ARAP1: variants seen among roughly 807,000 people sequenced by gnomAD.
ARAP1 encodes the protein ArfGAP with RhoGAP domain, ankyrin repeat and PH domain 1.
Under a neutral mutation model 172.2 loss-of-function variants are expected in ARAP1, and 76 were observed. The observed-to-expected ratio is 0.44, with a 90% CI of 0.37 to 0.53. The LOEUF is 0.53. ARAP1 is among the 20% of genes least tolerant of loss of function. ARAP1 has a pLI of 0.00. For synonymous variants in ARAP1, 804 were observed against 803.3 expected (o/e 1.00, Z -0.01); for missense variants, 1,686 against 1,977.5 (o/e 0.85, Z 2.80).
chr11:72,685,327 C>CGTA lies in ARAP1; in HGVS notation c.*336_*337insTAC. ...CTCCCTTCCGGCAGGGCCCCAGGGC[C>CGTA]TCACGCCTCTGAAAGGGTGGTGGTC... On this transcript the variant is annotated 3_prime_UTR_variant, in exon 35 of 35. Coordinates refer to ENST00000393609, the MANE Select transcript of ARAP1 (RefSeq NM_001040118.3). 2.6e-6 allele frequency: 1 copy of CGTA among 384,214 alleles called. No homozygotes were observed. The highest frequency in any genetic ancestry group is 4.8e-6 in the Non-Finnish European group (1 of 208,272). The allele number at this position is 384,214 out of a possible 1,614,324, so 23.8% of individuals were successfully genotyped here.
At position 72,703,413 on chromosome 11, in the gene ARAP1, G is replaced by C. The variant is rs891343507; in HGVS notation, c.1993-334C>G. On this transcript the variant is annotated intron_variant, in intron 14 of 34. Coordinates refer to ENST00000393609, the MANE Select transcript of ARAP1 (RefSeq NM_001040118.3). Reference sequence around the variant, plus strand: ...CTTCTGCCTTGTGGAGGAGCCGGGGGGGGGGTGTGCTTTGTAGCTAATTCC... The same window carrying C: ...CTTCTGCCTTGTGGAGGAGCCGGGGCGGGGGTGTGCTTTGTAGCTAATTCC... 19 of 173,112 alleles carry C rather than the reference G, an allele frequency of 1.1e-4. 2 individuals are homozygous for C. Among genetic ancestry groups the C allele is most frequent in the East Asian group, 2.9e-4 (2 of 6,940 alleles). The allele number at this position is 173,112 out of a possible 1,614,324, so 10.7% of individuals were successfully genotyped here.
In ARAP1 at chr11:72,726,692, G is replaced by A; in HGVS notation, c.437C>T (p.Ala146Val). ...APDPVLPPLPAKRHLAELSVP... is the reference protein window; with the variant it reads ...APDPVLPPLPVKRHLAELSVP... ...GCTCAGCTCTGCCAAATGCCGCTTA[G>A]CAGGCAGCGGGGGCAGCACAGGGTC... The change falls in exon 3 of 35, where the codon GCT becomes GTT. Residue 146 changes from alanine to valine, a missense_variant. Around this residue, in one of 5 missense-constraint regions of ARAP1, gnomAD observed 190 missense variants for 228.6 expected, o/e 0.83. Coordinates refer to ENST00000393609, the MANE Select transcript of ARAP1 (RefSeq NM_001040118.3). The surrounding 1 kb of genome is among the most constrained non-coding windows in gnomAD (Gnocchi z 6.5). 1 of 1,547,998 alleles carries A rather than the reference G, an allele frequency of 6.5e-7. No homozygotes were observed. Among genetic ancestry groups the A allele is most frequent in the Non-Finnish European group, 8.7e-7 (1 of 1,145,130 alleles).
Position 72,698,009 on chromosome 11 carries a change from T to C in ARAP1, c.2639A>G (p.Gln880Arg). ...GCCACTGAGAGAGAACCAGCCCTCC[T>C]GGGCCCGCTGTAGGCTCAGGCCAGC... ...YKAGLSLQRA[Q>R]EGWFSLSGSE... Residue 880 changes from glutamine (Q) to arginine (R), a missense_variant, in exon 19 of 35, where the codon CAG (glutamine) becomes CGG (arginine). Around this residue, in one of 5 missense-constraint regions of ARAP1, gnomAD observed 688 missense variants for 856.9 expected, o/e 0.80. Coordinates refer to ENST00000393609, the MANE Select transcript of ARAP1 (RefSeq NM_001040118.3). The C allele has an allele frequency of 6.2e-7, 1 of 1,611,310 alleles. No individual in the cohort carries two copies. Among genetic ancestry groups the C allele is most frequent in the Non-Finnish European group, 8.5e-7 (1 of 1,178,980 alleles).
chr11:72,704,549 T>G, intron 13 of ARAP1: 1 of 554,908 alleles, frequency 1.8e-6, no homozygotes, highest in Non-Finnish European at 3.1e-6. Flanking sequence ...TCAGGCTCAG[T>G]GACAGGACAG....
chr11:72,701,564 A>G (rs1243377565), intron 16 of ARAP1, 85 bp downstream of exon 16: 1 of 1,521,438 alleles, frequency 6.6e-7, no homozygotes, highest in South Asian at 1.3e-5. Context: ...GCCAGAGTCC[A>G]CCAGTCTGGC....
In ARAP1 at chr11:72,702,993, C is replaced by G. The variant is rs1313115007; in HGVS notation, c.2079G>C (p.Gly693=). 10 of 1,573,462 alleles carry G rather than the reference C, an allele frequency of 6.4e-6. No individual in the cohort carries two copies. In the African/African-American group the frequency reaches 6.8e-5, roughly 11 times the overall value. Residue 693 remains glycine (G), a synonymous_variant, in exon 15 of 35, where the codon GGG becomes GGC. Coordinates refer to ENST00000393609, the MANE Select transcript of ARAP1 (RefSeq NM_001040118.3). ...GCGAGINCFS[G]DPEAPTPLAL... ...CCAGGGGCGTGGGGGCCTCAGGGTC[C>G]CCCGAGAAGCAGTTGATCCCAGCCC...
chr11:72,711,429 C>T lies in ARAP1; in HGVS notation c.1092+1G>A. 1.2e-6 allele frequency: 2 copies of T among 1,612,494 alleles called. No individual in the cohort carries two copies. Among genetic ancestry groups the T allele is most frequent in the South Asian group, 1.1e-5 (1 of 91,058 alleles). On this transcript the variant is annotated splice_donor_variant, in intron 8 of 34. Transcript: ENST00000393609. LOFTEE classifies it high-confidence loss of function. ...CGCGTCAGGACTGATGCAGGCCTCA[C>T]CTTGTTACTGTCAAAGTATCGCAGG... is the stretch of plus-strand genomic sequence containing the variant.
Position 72,714,191 on chromosome 11 carries a change from C to A in ARAP1, c.640G>T (p.Glu214Ter). The A allele has an allele frequency of 6.6e-7, 1 of 1,517,508 alleles. No homozygotes were observed. Among genetic ancestry groups the A allele is most frequent in the East Asian group, 2.5e-5 (1 of 39,248 alleles). 94.0% of individuals were successfully genotyped at this position (1,517,508 alleles called of 1,614,324 possible). Reference sequence around the variant, plus strand: ...AGGCGTACCGGCTTTGGAGGTATCTCCGGGGGGCAGGGAGGTGGAGAGGGA... The same window carrying A: ...AGGCGTACCGGCTTTGGAGGTATCTACGGGGGGCAGGGAGGTGGAGAGGGA... ...QPPSPPPCPP[E>*]IPPKPVRLFP... The change falls in exon 4 of 35, where the codon GAG becomes TAG. Residue 214 changes from glutamate to a stop codon, truncating the protein, a stop_gained. Transcript: ENST00000393609. LOFTEE classifies it high-confidence loss of function.
Position 72,709,939 on chromosome 11 carries a change from A to G in ARAP1, c.1454T>C (p.Met485Thr). The change falls in exon 11 of 35, where the codon ATG becomes ACG. Residue 485 changes from methionine to threonine, a missense_variant. Transcript: ENST00000393609. ...CACTTCCTTCACGTTGCCCACGCTC[A>G]TGTCGATGAAGGTGATGCCAATGCC... ...HLGIGITFID[M>T]SVGNVKEVDR... 1 of 1,614,140 alleles carries G rather than the reference A, an allele frequency of 6.2e-7. No homozygotes were observed. The highest frequency in any genetic ancestry group is 1.1e-5 in the South Asian group (1 of 91,082).
At position 72,685,166 on chromosome 11, in the gene ARAP1, A is replaced by G. The variant is rs1855621561; in HGVS notation, c.*498T>C. 1 of 161,596 alleles carries G rather than the reference A, an allele frequency of 6.2e-6. No homozygotes were observed. The highest frequency in any genetic ancestry group is 1.7e-4 in the South Asian group (1 of 5,776). The allele number at this position is 161,596 out of a possible 1,614,324, so 10.0% of individuals were successfully genotyped here. A position where few individuals can be genotyped will look rare whatever the true frequency, so the allele number is the denominator to read the frequency against. On this transcript the variant is annotated 3_prime_UTR_variant, in exon 35 of 35. Transcript: ENST00000393609. Reference sequence around the variant, plus strand: ...GGACCCCCCACTCAGCCCAGACTGGAAGGAAGGCTGAAGTCCCCAAAGCGC... The same window carrying G: ...GGACCCCCCACTCAGCCCAGACTGGGAGGAAGGCTGAAGTCCCCAAAGCGC...
At chr11:72,742,932 T>A (rs994282091) in intron 1 of ARAP1, among the ~76,000 whole-genome samples, 2 of 152,180 alleles carry the variant, frequency 1.3e-5, no homozygotes, top group African/African-American at 2.4e-5. Flanking sequence ...CCCACTCAAC[T>A]GCTGGGTCCC....
At chr11:72,737,716 G>A (rs1023535807) in intron 1 of ARAP1, among the ~76,000 whole-genome samples, 1 of 151,752 alleles carries the variant, frequency 6.6e-6, no homozygotes, top group African/African-American at 2.4e-5. Context: ...TCAGCCTCCT[G>A]GGCTCAAGTG....
intron 1 of ARAP1, among the ~76,000 whole-genome samples, chr11:72,736,185 C>A (rs920009011): frequency 4.0e-5 from 6 of 150,172 alleles, no homozygotes; most frequent in Non-Finnish European, 8.9e-5. Context: ...TATTATATAC[C>A]TTGAATACTG....
rs745744230 is a variant in ARAP1, at chr11:72,726,601, C to A, written c.509+19G>T. 3 of 1,481,868 alleles carry A rather than the reference C, an allele frequency of 2.0e-6. No homozygotes were observed. Among genetic ancestry groups the A allele is most frequent in the East Asian group, 2.4e-5 (1 of 41,150 alleles). 91.8% of individuals were successfully genotyped at this position (1,481,868 alleles called of 1,614,324 possible). Reference sequence around the variant, plus strand: ...ATCCTCTGCCTGTGCGCCTCCCACCCTGGGTGGCATCCACTCACCTCACCA... The same window carrying A: ...ATCCTCTGCCTGTGCGCCTCCCACCATGGGTGGCATCCACTCACCTCACCA... On this transcript the variant is annotated intron_variant, in intron 3 of 34. Transcript: ENST00000393609. The surrounding 1 kb of genome is among the most constrained non-coding windows in gnomAD (Gnocchi z 6.5).
Position 72,693,165 on chromosome 11 carries a change from C to G in ARAP1, c.3954+160G>C. On this transcript the variant is annotated intron_variant, in intron 29 of 34. Transcript: ENST00000393609. The surrounding 1 kb of genome is among the most constrained non-coding windows in gnomAD (Gnocchi z 4.6). ...ACACTAGAGTGGCCGTCCAGGGCCA[C>G]AGCAGGAGGGGTCTTGAGAGTCTAC... The G allele has an allele frequency of 8.5e-7, 1 of 1,183,144 alleles. No individual in the cohort carries two copies. The highest frequency in any genetic ancestry group is 1.2e-6 in the Non-Finnish European group (1 of 863,630). The allele number at this position is 1,183,144 out of a possible 1,614,324, so 73.3% of individuals were successfully genotyped here.
At chr11:72,712,875 CAG>C (rs1051976947) in intron 5 of ARAP1, 2 of 599,080 alleles carry the variant, frequency 3.3e-6, no homozygotes, top group Non-Finnish European at 5.9e-6. Flanking sequence ...AGAAGTGAAA[CAG>C]AGACAGACAC....
Position 72,693,734 on chromosome 11 carries a change from C to T in ARAP1, c.3766G>A (p.Val1256Met). 1 of 1,611,114 alleles carries T rather than the reference C, an allele frequency of 6.2e-7. No individual in the cohort carries two copies. The highest frequency in any genetic ancestry group is 8.5e-7 in the Non-Finnish European group (1 of 1,178,662). Residue 1256 changes from valine (V) to methionine (M), a missense_variant, in exon 28 of 35, where the codon GTG (valine) becomes ATG (methionine). By Grantham distance (21) the Val-to-Met change is conservative. Coordinates refer to ENST00000393609, the MANE Select transcript of ARAP1 (RefSeq NM_001040118.3). This position sits in a 1 kb window ranked among gnomAD's most constrained non-coding sequence, Gnocchi z 4.6. The part of the protein sequence containing the change: ...HGLGTDSHLV[V>M]KKHQAMEAML... Reference sequence around the variant, plus strand: ...GCCTCCATGGCCTGGTGCTTCTTCACCACCAGGTGGCTGTCCGTGCCCAGC... The same window carrying T: ...GCCTCCATGGCCTGGTGCTTCTTCATCACCAGGTGGCTGTCCGTGCCCAGC...
At chr11:72,738,091 C>T (rs758185291) in intron 1 of ARAP1, among the ~76,000 whole-genome samples, 2 of 152,194 alleles carry the variant, frequency 1.3e-5, no homozygotes, top group African/African-American at 2.4e-5. Flanking sequence ...CTAGAAGGAA[C>T]CCCTGACTTG....
intron 21 of ARAP1, 42 bp from the exon 22 acceptor site, chr11:72,697,237 G>A: frequency 6.3e-7 from 1 of 1,590,696 alleles, no homozygotes; most frequent in Admixed American, 1.7e-5. Context: ...CTGAGGCATA[G>A]AGTCATGGGG....
Sources: gnomAD v4.1 joint callset for allele counts (sites outside exome capture counted in the v4.1 genomes callset) on GRCh38, gnomAD v4.1.1 for gene constraint, gnomAD v4.1.1 regional missense constraint, Gnocchi (gnomAD v3.1) non-coding constraint, MANE v1.5 for transcripts, NCBI Gene and HGNC (gene_info 2026-07-23, HGNC 2026-07-21) for gene names.